PLPPR1: variants seen among roughly 807,000 people sequenced by gnomAD.
PLPPR1 encodes phospholipid phosphatase-related protein type 1.
Under a neutral mutation model 33.1 loss-of-function variants are expected in PLPPR1, and 10 were observed. That is an observed-to-expected ratio of 0.30 (90% confidence interval 0.19 to 0.51). The LOEUF (loss-of-function observed/expected upper bound fraction) is 0.51, where lower values mean the gene tolerates loss of function less well. PLPPR1 is among the 20% of genes least tolerant of loss of function. PLPPR1 has a pLI of 0.97. For synonymous variants in PLPPR1, 151 were observed against 151.0 expected (o/e 1.00, Z 0.00); for missense variants, 304 against 408.1 (o/e 0.74, Z 2.20).
intron 2 of PLPPR1, among the ~76,000 whole-genome samples, chr9:101,237,735 C>CTA (rs200269534): frequency 0.019 from 2,055 of 109,268 alleles, 27 homozygotes; most frequent in Middle Eastern, 0.082. Flanking sequence ...TGTATATAGC[C>CTA]TATATATATA....
intron 1 of PLPPR1, among the ~76,000 whole-genome samples, chr9:101,143,567 T>C (rs1384864644): frequency 6.7e-6 from 1 of 149,642 alleles, no homozygotes; most frequent in African/African-American, 2.4e-5. Context: ...ACAAAGAACT[T>C]AAACAAATTT....
At chr9:101,171,851 G>A (rs1825946781) in intron 1 of PLPPR1, among the ~76,000 whole-genome samples, 1 of 152,206 alleles carries the variant, frequency 6.6e-6, no homozygotes, top group African/African-American at 2.4e-5. Flanking sequence ...TCAGAATAGG[G>A]AGGGGTAGCT....
rs538435500 is a variant in PLPPR1 at position 101,305,221 on chromosome 9, G to A, written c.386-3990G>A. ...GAGGTAAAAGTGTGTGTGTGTGTGCGTGCATGTGTGCATGCGCAAGTGTGT... is the reference window on the plus strand; with the variant it reads ...GAGGTAAAAGTGTGTGTGTGTGTGCATGCATGTGTGCATGCGCAAGTGTGT... On this transcript the variant is annotated intron_variant, in intron 4 of 7. Transcript: ENST00000374874. Among the ~76,000 whole-genome samples, 42 of 152,142 alleles carry A rather than the reference G, an allele frequency of 2.8e-4. 1 individual carries two copies. The South Asian group carries it at 6.2e-3, about 23-fold the overall frequency.
At chr9:101,294,580 A>T (rs200010914) in intron 4 of PLPPR1, among the ~76,000 whole-genome samples, 36,030 of 151,516 alleles carry the variant, frequency 0.24, 4,376 homozygotes, top group Admixed American at 0.3. Flanking sequence ...CGAATCCAGC[A>T]GCACATCAAA....
intron 1 of PLPPR1, among the ~76,000 whole-genome samples, chr9:101,132,371 TTA>T (rs2118615242): frequency 6.6e-6 from 1 of 152,144 alleles, no homozygotes; most frequent in South Asian, 2.1e-4. Context: ...GACATGAAAA[TTA>T]AAGTGCATAT....
chr9:101,053,873 G>T (rs1830251940), intron 1 of PLPPR1, among the ~76,000 whole-genome samples: 3 of 152,074 alleles, frequency 2.0e-5, no homozygotes. Context: ...AAAATCTCTA[G>T]AAAAAGGTAT....
chr9:101,196,535 T>G (rs748662128), intron 2 of PLPPR1, among the ~76,000 whole-genome samples: 1 of 152,232 alleles, frequency 6.6e-6, no homozygotes, highest in Non-Finnish European at 1.5e-5. Flanking sequence ...TTCTTGTCCC[T>G]TTATATAGTG....
At chr9:101,238,952 CT>C (rs34407063) in intron 2 of PLPPR1, among the ~76,000 whole-genome samples, 1,991 of 141,618 alleles carry the variant, frequency 0.014, 19 homozygotes, top group African/African-American at 0.029. Flanking sequence ...TATGAGCTCA[CT>C]TTTTTTTTTT....
In PLPPR1 at chr9:101,181,475, A is replaced by G. The variant is rs190852887; in HGVS notation, c.-45-3975A>G. 2.6e-3 allele frequency among the ~76,000 whole-genome samples: 400 copies of G among 151,236 alleles called. 3 individuals are homozygous for G. The highest frequency in any genetic ancestry group is 8.6e-3 in the African/African-American group (355 of 41,408). ...ATCCCACTTCTGAGTGTGTATCCAA[A>G]GGAATTGAAATCAGTATGCCAAAAA... On this transcript the variant is annotated intron_variant, in intron 1 of 7. Coordinates refer to ENST00000374874, the MANE Select transcript of PLPPR1 (RefSeq NM_207299.2).
At chr9:101,317,544 T>C (rs750188740) in intron 7 of PLPPR1, 48 bp downstream of exon 7, 26 of 1,578,512 alleles carry the variant, frequency 1.6e-5, no homozygotes, top group Non-Finnish European at 2.2e-5. Context: ...CTGAACACTT[T>C]GGGAGGTCAG....
intron 1 of PLPPR1, among the ~76,000 whole-genome samples, chr9:101,048,162 G>A (rs1830176332): frequency 6.6e-6 from 1 of 152,192 alleles, no homozygotes; most frequent in African/African-American, 2.4e-5. Flanking sequence ...TGAGAACTAT[G>A]TCAGCAGAAA....
At chr9:101,153,694 C>T (rs1265653465) in intron 1 of PLPPR1, among the ~76,000 whole-genome samples, 1 of 152,150 alleles carries the variant, frequency 6.6e-6, no homozygotes, top group African/African-American at 2.4e-5. Flanking sequence ...TCTGCCTCAG[C>T]CTCCTGAGTA....
chr9:101,075,360 G>A (rs1002359021), intron 1 of PLPPR1, among the ~76,000 whole-genome samples: 22 of 152,188 alleles, frequency 1.4e-4, no homozygotes, highest in Non-Finnish European at 5.9e-5. Flanking sequence ...CTTTGGTAGA[G>A]TAAGCATAAT....
In PLPPR1 at chr9:101,048,208, C is replaced by G. The variant is rs555086970; in HGVS notation, c.-46+19106C>G. 3.3e-5 allele frequency among the ~76,000 whole-genome samples: 5 copies of G among 152,286 alleles called. No homozygotes were observed. The South Asian group carries it at 1.0e-3, about 32-fold the overall frequency. ...AAACCAGTCCATAAATAGATGATTA[C>G]TCATAGGGAGAGATGCCAAATAGGC... On this transcript the variant is annotated intron_variant, in intron 1 of 7. Coordinates refer to ENST00000374874, the MANE Select transcript of PLPPR1 (RefSeq NM_207299.2).
intron 1 of PLPPR1, among the ~76,000 whole-genome samples, chr9:101,089,171 C>G (rs1312362031): frequency 6.6e-6 from 1 of 152,054 alleles, no homozygotes; most frequent in Non-Finnish European, 1.5e-5. Context: ...TTTTATCATT[C>G]AATCCTCACA....
chr9:101,254,524 G>A (rs1827764834), intron 2 of PLPPR1, among the ~76,000 whole-genome samples: 1 of 152,094 alleles, frequency 6.6e-6, no homozygotes, highest in Admixed American at 6.6e-5. Context: ...CACAGACCAG[G>A]GGGGTTGTGA....
At chr9:101,303,311 T>A (rs1828787474) in intron 4 of PLPPR1, among the ~76,000 whole-genome samples, 1 of 150,552 alleles carries the variant, frequency 6.6e-6, no homozygotes, top group Admixed American at 6.6e-5. Flanking sequence ...GGTTTGTTGC[T>A]GTTGTTTGAG....
chr9:101,277,348 C>T (rs1263039747), intron 3 of PLPPR1, among the ~76,000 whole-genome samples: 1 of 152,154 alleles, frequency 6.6e-6, no homozygotes, highest in African/African-American at 2.4e-5. Flanking sequence ...TGTCCTTTAA[C>T]AACCCAAAGT....
chr9:101,099,820 A>T (rs1416337178), intron 1 of PLPPR1, among the ~76,000 whole-genome samples: 1 of 152,138 alleles, frequency 6.6e-6, no homozygotes, highest in Non-Finnish European at 1.5e-5. Context: ...TACACTAAAT[A>T]AATATGGCTC....
Sources: allele counts gnomAD v4.1 joint callset (sites outside exome capture counted in the v4.1 genomes callset), GRCh38; gene constraint gnomAD v4.1.1; transcripts MANE v1.5; gene names NCBI Gene and HGNC (gene_info 2026-07-23, HGNC 2026-07-21).